The following OSBPL9 variants were observed in gnomAD, a reference collection of about 807,000 sequenced individuals.
OSBPL9 encodes the protein oxysterol binding protein like 9, also known as oxysterol-binding protein-related protein 9.
In OSBPL9, 40 loss-of-function variants were observed where a neutral mutation model predicts 106.6. The observed-to-expected ratio is 0.38, with a 90% CI of 0.29 to 0.49. The LOEUF is 0.49. OSBPL9 is among the 20% of genes least tolerant of loss of function. The pLI, the probability that OSBPL9 is intolerant of heterozygous loss-of-function variation, is 0.97. For missense variants in OSBPL9, 609 were observed against 887.2 expected (o/e 0.69, Z 3.98); for synonymous variants, 269 against 295.4 (o/e 0.91, Z 0.92).
chr1:51,571,373 A>G, the OSBPL9 span, among the ~76,000 whole-genome samples: 1 of 152,206 alleles, frequency 6.6e-6, no homozygotes, highest in Admixed American at 6.5e-5. Flanking sequence ...TACATTTTAA[A>G]TAATATGCTT....
At chr1:51,722,209 G>GAAT (rs1557740237) in intron 4 of OSBPL9, among the ~76,000 whole-genome samples, 1 of 112,316 alleles carries the variant, frequency 8.9e-6, no homozygotes, top group African/African-American at 3.1e-5. Context: ...ATAGATAGAA[G>GAAT]TAGTTAGACA....
At chr1:51,644,012 A>G (rs1645982139) in intron 1 of OSBPL9, among the ~76,000 whole-genome samples, 1 of 146,432 alleles carries the variant, frequency 6.8e-6, no homozygotes, top group Non-Finnish European at 1.5e-5. Context: ...CCTAGGAGGC[A>G]GAGGTTACAG....
At chr1:51,699,451 T>A (rs1289088168) in intron 3 of OSBPL9, among the ~76,000 whole-genome samples, 2 of 152,148 alleles carry the variant, frequency 1.3e-5, no homozygotes, top group African/African-American at 4.8e-5. Context: ...TCAGCTTTAA[T>A]TTCCTTGCCT....
chr1:51,652,066 A>G (rs1405019160), intron 2 of OSBPL9, 25 bp downstream of exon 2: 1 of 1,558,604 alleles, frequency 6.4e-7, no homozygotes, highest in African/African-American at 1.4e-5. Flanking sequence ...ATTTTTATGA[A>G]AATCAATTTT....
chr1:51,731,920 AT>A (rs1664551662), intron 4 of OSBPL9, among the ~76,000 whole-genome samples: 2 of 152,240 alleles, frequency 1.3e-5, no homozygotes, highest in African/African-American at 4.8e-5. Context: ...ATGACGATGA[AT>A]TTGGAAGTGC....
At chr1:51,678,260 C>T (rs989485307) in intron 3 of OSBPL9, among the ~76,000 whole-genome samples, 2 of 152,072 alleles carry the variant, frequency 1.3e-5, no homozygotes, top group African/African-American at 4.8e-5. Context: ...ATACAAGTTG[C>T]CTAAGACAAA....
At chr1:51,628,684 CTTTTT>C (rs909175159) in intron 1 of OSBPL9, among the ~76,000 whole-genome samples, 2 of 134,464 alleles carry the variant, frequency 1.5e-5, no homozygotes, top group Non-Finnish European at 1.6e-5. Flanking sequence ...TTCTTTTTTT[CTTTTT>C]TTTTTTTTTT....
the OSBPL9 span, chr1:51,519,223 C>G: frequency 3.6e-6 from 5 of 1,382,416 alleles, no homozygotes; most frequent in Non-Finnish European, 4.7e-6. Context: ...GCTGGGCCGC[C>G]GCAGCCATGG....
chr1:51,622,296 CATAAA>C (rs921987969), intron 1 of OSBPL9, among the ~76,000 whole-genome samples: 33 of 152,156 alleles, frequency 2.2e-4, no homozygotes, highest in African/African-American at 7.7e-4. Flanking sequence ...GTCAGTAAAA[CATAAA>C]ATAAATCTGG....
the OSBPL9 span, among the ~76,000 whole-genome samples, chr1:51,570,721 T>C: frequency 6.6e-6 from 1 of 152,194 alleles, no homozygotes; most frequent in East Asian, 1.9e-4. Flanking sequence ...TATTCCTATC[T>C]CATAGGATTC....
chr1:51,647,631 TTA>T (rs1283870192), intron 1 of OSBPL9, among the ~76,000 whole-genome samples: 11 of 152,212 alleles, frequency 7.2e-5, no homozygotes, highest in Admixed American at 7.2e-4. Flanking sequence ...TTTTGGCAGT[TTA>T]TATCTTTCTT....
the OSBPL9 span, among the ~76,000 whole-genome samples, chr1:51,533,845 C>CTTTTTTTTTTTTTTTTTTTTTTTTTT: frequency 8.6e-6 from 1 of 116,332 alleles, no homozygotes; most frequent in Non-Finnish European, 1.8e-5. Context: ...TTTTTTCTTT[C>CTTTTTTTTTTTTTTTTTTTTTTTTTT]TTTTTTTTTT....
At chr1:51,712,925 A>G (rs75988606) in intron 3 of OSBPL9, among the ~76,000 whole-genome samples, 2,783 of 152,246 alleles carry the variant, frequency 0.018, 47 homozygotes, top group African/African-American at 0.044. Context: ...AAAATCTGTG[A>G]TCATTTAAAT....
the OSBPL9 span, among the ~76,000 whole-genome samples, chr1:51,534,677 G>A: frequency 6.6e-6 from 1 of 152,246 alleles, no homozygotes; most frequent in African/African-American, 2.4e-5. Context: ...TCAGAACTCA[G>A]TACCAATACC....
intron 1 of OSBPL9, among the ~76,000 whole-genome samples, chr1:51,626,936 T>C (rs1214720609): frequency 6.6e-6 from 1 of 152,258 alleles, no homozygotes; most frequent in East Asian, 1.9e-4. Flanking sequence ...TATCTATGTT[T>C]ACTTCTAAGA....
At chr1:51,749,939 A>T (rs538922459) in intron 7 of OSBPL9, among the ~76,000 whole-genome samples, 1 of 152,042 alleles carries the variant, frequency 6.6e-6, no homozygotes, top group South Asian at 2.1e-4. Context: ...AATTTGTGGC[A>T]TTCGTTAAAA....
chr1:51,548,094 T>A, the OSBPL9 span, among the ~76,000 whole-genome samples: 5 of 152,064 alleles, frequency 3.3e-5, no homozygotes, highest in Non-Finnish European at 7.4e-5. Flanking sequence ...TCATAATTTT[T>A]AAAAAAATCA....
At chr1:51,668,248 CA>C (rs1031147763) in intron 2 of OSBPL9, among the ~76,000 whole-genome samples, 2 of 152,150 alleles carry the variant, frequency 1.3e-5, no homozygotes, top group Admixed American at 6.5e-5. Flanking sequence ...GGACATTGAA[CA>C]ATAGATTCCC....
intron 1 of OSBPL9, among the ~76,000 whole-genome samples, chr1:51,590,559 G>T (rs934879300): frequency 3.4e-5 from 5 of 148,544 alleles, no homozygotes; most frequent in Admixed American, 6.8e-5. Flanking sequence ...GGCGGAGCTT[G>T]CATTGAGCCG....
Sources: allele counts gnomAD v4.1 joint callset (sites outside exome capture counted in the v4.1 genomes callset), GRCh38; gene constraint gnomAD v4.1.1; transcripts MANE v1.5; gene names NCBI Gene and HGNC (gene_info 2026-07-23, HGNC 2026-07-21).